KCNG3: variants seen among roughly 807,000 people sequenced by gnomAD.
KCNG3 encodes voltage-gated potassium channel regulatory subunit KCNG3.
KCNG3 carries 15 observed loss-of-function variants against 29.0 expected under a neutral mutation model. The observed-to-expected ratio is 0.52, with a 90% CI of 0.35 to 0.80. KCNG3 has a LOEUF of 0.80. KCNG3 is among the 30% of genes least tolerant of loss of function. KCNG3 has a pLI of 0.01. For missense variants in KCNG3, 512 were observed against 605.7 expected (o/e 0.85, Z 1.62); for synonymous variants, 322 against 248.9 (o/e 1.29, Z -2.76).
intron 1 of KCNG3, among the ~76,000 whole-genome samples, chr2:42,481,546 CA>C (rs1673584721): frequency 6.6e-6 from 1 of 152,196 alleles, no homozygotes; most frequent in South Asian, 2.1e-4. Context: ...CTATTCTCCT[CA>C]AAACCCACAT....
At chr2:42,417,801 T>C in the KCNG3 span, among the ~76,000 whole-genome samples, 1 of 151,788 alleles carries the variant, frequency 6.6e-6, no homozygotes, top group African/African-American at 2.4e-5. Context: ...TGAAACCCTG[T>C]CTCTGCTAAA....
intron 1 of KCNG3, among the ~76,000 whole-genome samples, chr2:42,453,792 G>A (rs1417358213): frequency 6.6e-6 from 1 of 152,126 alleles, no homozygotes; most frequent in African/African-American, 2.4e-5. Context: ...CTACTTGAAT[G>A]TCCTGGAGAT....
At chr2:42,406,557 T>G in the KCNG3 span, among the ~76,000 whole-genome samples, 1 of 149,148 alleles carries the variant, frequency 6.7e-6, no homozygotes, top group Non-Finnish European at 1.5e-5. Context: ...CTGGGCACAG[T>G]GGCTCACGCC....
At chr2:42,434,497 G>A in the KCNG3 span, among the ~76,000 whole-genome samples, 1 of 141,654 alleles carries the variant, frequency 7.1e-6, no homozygotes, top group Non-Finnish European at 1.5e-5. Flanking sequence ...GAGAGAGAGA[G>A]GGAAAGAGAA....
chr2:42,471,017 T>A (rs1673271301), intron 1 of KCNG3, among the ~76,000 whole-genome samples: 1 of 151,792 alleles, frequency 6.6e-6, no homozygotes, highest in African/African-American at 2.4e-5. Flanking sequence ...CCAGGCGTGG[T>A]GGTAAATGCC....
chr2:42,470,999 T>G (rs761264497), intron 1 of KCNG3, among the ~76,000 whole-genome samples: 12 of 151,802 alleles, frequency 7.9e-5, no homozygotes, highest in Non-Finnish European at 1.6e-4. Context: ...AAAAAATGTT[T>G]AAATTAGCCA....
the KCNG3 span, among the ~76,000 whole-genome samples, chr2:42,420,722 G>A: frequency 2.0e-5 from 3 of 152,056 alleles, no homozygotes; most frequent in Non-Finnish European, 4.4e-5. Context: ...CTCAGGAGGC[G>A]GAGGTTGCAG....
the KCNG3 span, among the ~76,000 whole-genome samples, chr2:42,434,939 T>C: frequency 6.6e-6 from 1 of 152,108 alleles, no homozygotes; most frequent in African/African-American, 2.4e-5. Context: ...TCCTACTTCA[T>C]AACAGATGCA....
intron 1 of KCNG3, among the ~76,000 whole-genome samples, chr2:42,483,517 C>T (rs140506714): frequency 2.6e-5 from 4 of 152,114 alleles, no homozygotes; most frequent in Admixed American, 6.6e-5. Flanking sequence ...GAGCCCAGGG[C>T]GCCACTGACC....
intron 1 of KCNG3, among the ~76,000 whole-genome samples, chr2:42,452,828 C>T (rs1416529821): frequency 1.3e-5 from 2 of 152,014 alleles, no homozygotes; most frequent in Non-Finnish European, 2.9e-5. Flanking sequence ...GTCACCCAGG[C>T]TGGGGTGCAG....
At chr2:42,404,484 T>C in the KCNG3 span, among the ~76,000 whole-genome samples, 1 of 152,104 alleles carries the variant, frequency 6.6e-6, no homozygotes, top group Non-Finnish European at 1.5e-5. Context: ...TCCCAGCACT[T>C]TGGGAGGCCG....
intron 1 of KCNG3, among the ~76,000 whole-genome samples, chr2:42,449,091 G>A (rs764198420): frequency 6.6e-6 from 1 of 151,992 alleles, no homozygotes; most frequent in Non-Finnish European, 1.5e-5. Context: ...TGGTATATGT[G>A]GGGGGTCCTG....
At chr2:42,432,856 A>T in the KCNG3 span, among the ~76,000 whole-genome samples, 181 of 151,980 alleles carry the variant, frequency 1.2e-3, no homozygotes, top group African/African-American at 4.0e-3. Flanking sequence ...GTATTTCCTG[A>T]TATAGACAGT....
chr2:42,453,340 C>G (rs186049222), intron 1 of KCNG3, among the ~76,000 whole-genome samples: 3 of 152,180 alleles, frequency 2.0e-5, no homozygotes, highest in Non-Finnish European at 2.9e-5. Context: ...GATCCCTTTT[C>G]TCCACATCCT....
At chr2:42,437,811 G>A (rs533557206), downstream of KCNG3, among the ~76,000 whole-genome samples, 4 of 151,790 alleles carry the variant, frequency 2.6e-5, no homozygotes, top group South Asian at 2.1e-4. Context: ...GTTGGTGGGC[G>A]CCTGTAATCC....
rs1210187032 is a variant in KCNG3, at chr2:42,477,384, T to TACACACACACACACACAC, written c.665+15452_665+15453insGTGTGTGTGTGTGTGTGT. Among the ~76,000 whole-genome samples, 111 of 101,896 alleles carry TACACACACACACACACAC rather than the reference T, an allele frequency of 1.1e-3. 3 individuals carry two copies. The highest frequency in any genetic ancestry group is 1.0e-2 in the East Asian group (25 of 2,510). The allele number at this position is 101,896 out of a possible 152,430, so 66.8% of individuals were successfully genotyped here. A position where few individuals can be genotyped will look rare whatever the true frequency, so the allele number is the denominator to read the frequency against. ...ATATACATATATATACACACACATA[T>TACACACACACACACACAC]ATATACACACACACACACACACACA... is the stretch of plus-strand genomic sequence containing the variant. On this transcript the variant is annotated intron_variant, in intron 1 of 1. Transcript: ENST00000306078.
chr2:42,456,037 G>T (rs530419800), intron 1 of KCNG3, among the ~76,000 whole-genome samples: 10 of 150,866 alleles, frequency 6.6e-5, no homozygotes, highest in Non-Finnish European at 1.3e-4. Context: ...ATAAGGAAAT[G>T]TTATATGAAT....
chr2:42,411,990 A>G, the KCNG3 span, among the ~76,000 whole-genome samples: 1 of 152,210 alleles, frequency 6.6e-6, no homozygotes, highest in African/African-American at 2.4e-5. Flanking sequence ...ACATACATAC[A>G]TACAAGAGCA....
At chr2:42,478,177 T>C (rs2103723237) in intron 1 of KCNG3, among the ~76,000 whole-genome samples, 1 of 152,290 alleles carries the variant, frequency 6.6e-6, no homozygotes, top group South Asian at 2.1e-4. Flanking sequence ...CTCCTGAGGA[T>C]CTAAAGGAGC....
Sources: allele counts gnomAD v4.1 joint callset (sites outside exome capture counted in the v4.1 genomes callset), GRCh38; gene constraint gnomAD v4.1.1; transcripts MANE v1.5; gene names NCBI Gene and HGNC (gene_info 2026-07-23, HGNC 2026-07-21).